The following NEBL variants were observed in gnomAD, a reference collection of about 807,000 sequenced individuals.
NEBL encodes LIM and SH3 protein 2.
In NEBL, 122 loss-of-function variants were observed where a neutral mutation model predicts 140.2. The ratio of observed to expected loss-of-function variants is 0.87; its 90% CI spans 0.75 to 1.01. The LOEUF (loss-of-function observed/expected upper bound fraction) is 1.01. NEBL is among the 50% of genes least tolerant of loss of function. NEBL has a pLI of 0.00. For synonymous variants in NEBL, 436 were observed against 398.9 expected (o/e 1.09, Z -1.11); for missense variants, 1,365 against 1,231.3 (o/e 1.11, Z -1.62).
At chr10:20,939,297 A>C (rs1834702321) in intron 4 of NEBL, among the ~76,000 whole-genome samples, 1 of 152,260 alleles carries the variant, frequency 6.6e-6, no homozygotes, top group South Asian at 2.1e-4. Flanking sequence ...CTTAAAGAAA[A>C]GAATTTTCAA....
intron 7 of NEBL, among the ~76,000 whole-genome samples, chr10:20,863,545 A>G (rs1007707648): frequency 6.6e-6 from 1 of 152,192 alleles, no homozygotes; most frequent in African/African-American, 2.4e-5. Context: ...AAAATCAATA[A>G]TATCTTTAAG....
intron 4 of NEBL, among the ~76,000 whole-genome samples, chr10:20,928,205 A>G (rs1243675847): frequency 5.3e-5 from 8 of 152,228 alleles, no homozygotes; most frequent in Non-Finnish European, 8.8e-5. Flanking sequence ...GTAGATTCAC[A>G]TGTCCCAAAC....
chr10:20,912,586 T>G (rs1376924806), intron 4 of NEBL, among the ~76,000 whole-genome samples: 1 of 152,204 alleles, frequency 6.6e-6, no homozygotes, highest in Non-Finnish European at 1.5e-5. Context: ...ATGAATCCAG[T>G]ATAAGTCTTT....
chr10:21,002,872 G>A (rs1837963811), intron 3 of NEBL, among the ~76,000 whole-genome samples: 1 of 152,028 alleles, frequency 6.6e-6, no homozygotes, highest in Non-Finnish European at 1.5e-5. Context: ...GGGATACAGA[G>A]CTAAACCATA....
intron 2 of NEBL, among the ~76,000 whole-genome samples, chr10:21,080,576 C>G (rs1836319454): frequency 6.6e-6 from 1 of 152,194 alleles, no homozygotes; most frequent in South Asian, 2.1e-4. Context: ...TAAGCATATA[C>G]ATAAATCATT....
intron 3 of NEBL, among the ~76,000 whole-genome samples, chr10:20,993,142 G>C (rs913870228): frequency 2.0e-5 from 3 of 151,944 alleles, no homozygotes; most frequent in Non-Finnish European, 4.4e-5. Flanking sequence ...TCGTGTCTAC[G>C]TGACGTTTTA....
chr10:21,052,438 C>G (rs1834817596), intron 2 of NEBL, among the ~76,000 whole-genome samples: 1 of 151,934 alleles, frequency 6.6e-6, no homozygotes, highest in South Asian at 2.1e-4. Flanking sequence ...TCCGGAGAGC[C>G]TGGCAGCAAA....
In NEBL at chr10:21,233,773, A is replaced by AT. The variant is rs1489921486; in HGVS notation, n.348+14147_348+14148insA. Among the ~76,000 whole-genome samples the AT allele has an allele frequency of 1.1e-3, 163 of 142,312 alleles. 3 individuals carry two copies. The highest frequency in any genetic ancestry group is 2.8e-3 in the South Asian group (13 of 4,626). The allele number at this position is 142,312 out of a possible 152,430, so 93.4% of individuals were successfully genotyped here. A position where few individuals can be genotyped will look rare whatever the true frequency, so the allele number is the denominator to read the frequency against. On this transcript the variant is annotated intron_variant and non_coding_transcript_variant, in intron 3 of 8. Coordinates refer to the NEBL transcript ENST00000675702. The stretch of plus-strand genomic sequence containing the variant: ...TTACATATAGATATATATTACATAT[A>AT]AATGCATATATATGCATATATATTA...
At chr10:21,022,345 C>T (rs1477287715) in intron 2 of NEBL, among the ~76,000 whole-genome samples, 1 of 152,130 alleles carries the variant, frequency 6.6e-6, no homozygotes, top group Non-Finnish European at 1.5e-5. Context: ...CTGTCCCTGG[C>T]GTCCCATGAG....
chr10:21,184,786 AG>A (rs1187172241), intron 3 of NEBL, among the ~76,000 whole-genome samples: 2 of 152,240 alleles, frequency 1.3e-5, no homozygotes, highest in African/African-American at 2.4e-5. Context: ...TAAGCGAAAA[AG>A]GTTATAAAAA....
chr10:21,010,372 G>A (rs1213174230), intron 3 of NEBL, among the ~76,000 whole-genome samples: 2 of 152,026 alleles, frequency 1.3e-5, no homozygotes, highest in Admixed American at 6.6e-5. Flanking sequence ...AGTCTCCTGA[G>A]TAGGTGGGAC....
intron 3 of NEBL, among the ~76,000 whole-genome samples, chr10:21,227,722 T>TCTTCTTC (rs1842182728): frequency 1.4e-4 from 14 of 103,666 alleles, no homozygotes; most frequent in African/African-American, 4.7e-4. Context: ...TTCTTCTTCT[T>TCTTCTTC]CTTCTTCTTC....
intron 4 of NEBL, among the ~76,000 whole-genome samples, chr10:20,906,445 C>A (rs1398283793): frequency 6.6e-6 from 1 of 151,984 alleles, no homozygotes; most frequent in African/African-American, 2.4e-5. Context: ...TTCCATGGAG[C>A]TTTTCCATGT....
intron 12 of NEBL, among the ~76,000 whole-genome samples, chr10:20,841,993 T>G (rs1360818597): frequency 6.6e-6 from 1 of 152,172 alleles, no homozygotes; most frequent in Non-Finnish European, 1.5e-5. Flanking sequence ...TTGCTTGTTT[T>G]CTTACTTAAT....
chr10:21,204,758 C>T (rs750954198), intron 3 of NEBL, among the ~76,000 whole-genome samples: 20 of 152,178 alleles, frequency 1.3e-4, no homozygotes, highest in Non-Finnish European at 2.4e-4. Context: ...TCAGAGGCAG[C>T]CCTCAGGAGA....
Position 21,016,049 on chromosome 10 carries a change from T to G in NEBL, c.249+4068A>C, listed in dbSNP as rs200616626. 3.3e-5 allele frequency among the ~76,000 whole-genome samples: 5 copies of G among 152,388 alleles called. No individual in the cohort carries two copies. In the East Asian group the frequency reaches 7.7e-4, roughly 24 times the overall value. ...CCAGAAGCAGTTTTACTTTTGCTTC[T>G]TGTTGAATGGGCTGCTGCGGGCCCG... On this transcript the variant is annotated intron_variant, in intron 3 of 6. Coordinates refer to the NEBL transcript ENST00000417816.
At chr10:20,888,970 C>T (rs1846786278) in intron 3 of NEBL, among the ~76,000 whole-genome samples, 1 of 152,196 alleles carries the variant, frequency 6.6e-6, no homozygotes, top group Non-Finnish European at 1.5e-5. Context: ...TTATTGAGCA[C>T]AGATCCTGTG....
intron 27 of NEBL, among the ~76,000 whole-genome samples, chr10:20,786,682 T>C (rs561092468): frequency 6.6e-6 from 1 of 152,312 alleles, no homozygotes; most frequent in East Asian, 1.9e-4. Context: ...GAGACTATGT[T>C]GAGGGCTTGT....
At chr10:21,175,256 A>G (rs1471295464), upstream of NEBL, among the ~76,000 whole-genome samples, 2 of 152,162 alleles carry the variant, frequency 1.3e-5, no homozygotes, top group Non-Finnish European at 2.9e-5. Flanking sequence ...TTAATCTACA[A>G]AATGGGAATA....
Sources: allele counts gnomAD v4.1 joint callset (sites outside exome capture counted in the v4.1 genomes callset), GRCh38; gene constraint gnomAD v4.1.1; transcripts MANE v1.5; gene names NCBI Gene and HGNC (gene_info 2026-07-23, HGNC 2026-07-21).